Variants in GOLM1 observed in about 807,000 individuals in gnomAD.
GOLM1 encodes the protein epididymis luminal protein 46.
Under a neutral mutation model 50.5 loss-of-function variants are expected in GOLM1, and 31 were observed. The observed-to-expected ratio is 0.61, with a 90% CI of 0.46 to 0.83. The LOEUF is 0.83. GOLM1 is among the 40% of genes least tolerant of loss of function. The probability of loss-of-function intolerance (pLI) is 0.00; values close to 1 mark genes in which losing one functional copy is unlikely to be tolerated. For synonymous variants in GOLM1, 178 were observed against 192.8 expected (o/e 0.92, Z 0.64); for missense variants, 491 against 501.3 (o/e 0.98, Z 0.20).
chr9:86,091,843 G>A (rs1431095794), intron 1 of GOLM1, among the ~76,000 whole-genome samples: 2 of 152,208 alleles, frequency 1.3e-5, no homozygotes, highest in African/African-American at 4.8e-5. Context: ...GAAGTGTACA[G>A]ATAACCATTT....
At chr9:86,027,975 T>C in intron 9 of GOLM1, 82 bp from the exon 10 acceptor site, 1 of 758,534 alleles carries the variant, frequency 1.3e-6, no homozygotes, top group Non-Finnish European at 2.2e-6. Context: ...CTTATCAACT[T>C]CTAGAAACTG....
At position 86,043,403 on chromosome 9, in the gene GOLM1, A is replaced by G. The variant is rs1044617913; in HGVS notation, c.468-2535T>C. On this transcript the variant is annotated intron_variant, in intron 5 of 9. Coordinates refer to ENST00000388712, the MANE Select transcript of GOLM1 (RefSeq NM_016548.4). ...GTGTTCTCGGCACTGCCTTCTATAG[A>G]AGGATTAGACCAGACAGGATGTTTT... Among the ~76,000 whole-genome samples, 3 of 152,194 alleles carry G rather than the reference A, an allele frequency of 2.0e-5. No homozygotes were observed. The East Asian group carries it at 5.8e-4, about 29-fold the overall frequency.
At chr9:86,051,435 C>T (rs191967856) in intron 4 of GOLM1, among the ~76,000 whole-genome samples, 3 of 151,906 alleles carry the variant, frequency 2.0e-5, no homozygotes, top group Admixed American at 1.3e-4. Context: ...CTTTCTGTCT[C>T]GTTGATCTGT....
chr9:86,045,695 T>TACACACACAC, intron 5 of GOLM1, among the ~76,000 whole-genome samples: 1 of 147,578 alleles, frequency 6.8e-6, no homozygotes, highest in Non-Finnish European at 1.5e-5. Flanking sequence ...AAAAAGTATA[T>TACACACACAC]ACACACACAC....
chr9:86,099,584 C>A (rs1835470025), upstream of GOLM1: 1 of 147,802 alleles, frequency 6.8e-6, no homozygotes, highest in Non-Finnish European at 1.5e-5. Flanking sequence ...AAGGCCCCGC[C>A]CCCGAGCAGC....
chr9:86,061,269 A>G (rs1044030702), intron 3 of GOLM1, among the ~76,000 whole-genome samples: 7 of 152,200 alleles, frequency 4.6e-5, no homozygotes, highest in Non-Finnish European at 7.3e-5. Flanking sequence ...CTGGTTTTAG[A>G]GGAAAAGAAA....
Position 86,055,536 on chromosome 9 carries a change from C to T in GOLM1, c.310-2945G>A, listed in dbSNP as rs117632346. On this transcript the variant is annotated intron_variant, in intron 3 of 9. Transcript: ENST00000388712. Reference sequence around the variant, plus strand: ...ACAGTTACCAAGAGGCGAATGCAACCCAGGGGGTCACAGATGAATGAATGG... The same window carrying T: ...ACAGTTACCAAGAGGCGAATGCAACTCAGGGGGTCACAGATGAATGAATGG... Among the ~76,000 whole-genome samples, 304 of 152,230 alleles carry T rather than the reference C, an allele frequency of 2.0e-3. 7 individuals carry two copies. In the South Asian group the frequency reaches 0.039, roughly 20 times the overall value.
chr9:86,070,788 T>C (rs988424008), intron 3 of GOLM1, among the ~76,000 whole-genome samples: 7 of 152,148 alleles, frequency 4.6e-5, no homozygotes, highest in Admixed American at 6.5e-5. Context: ...GATAAGCTAA[T>C]TGATCAGGCG....
chr9:86,053,089 AC>A (rs1443311498), intron 3 of GOLM1, among the ~76,000 whole-genome samples: 2 of 107,228 alleles, frequency 1.9e-5, no homozygotes, highest in Non-Finnish European at 3.9e-5. Flanking sequence ...ACGACACTAC[AC>A]CATGCCACAA....
rs1280621934 is a variant in GOLM1, at chr9:86,046,483, A to T, written c.454T>A (p.Phe152Ile). Residue 152 changes from phenylalanine to isoleucine, a missense_variant, in exon 5 of 10, where the codon TTC (phenylalanine) becomes ATC (isoleucine). Coordinates refer to ENST00000388712, the MANE Select transcript of GOLM1 (RefSeq NM_016548.4). The part of the protein sequence containing the change: ...QKNQTNLERK[F>I]SYDLSQCINQ... ...AGGTGTACTCACAGGTCGTAGGAGA[A>T]CTTCCTCTCCAGGTTGGTCTGGTTC... 2 of 1,604,170 alleles carry T rather than the reference A, an allele frequency of 1.2e-6. No individual in the cohort carries two copies. Among genetic ancestry groups the T allele is most frequent in the East Asian group, 4.5e-5 (2 of 44,852 alleles).
At chr9:86,035,775 T>C in intron 7 of GOLM1, 150 bp from the exon 8 acceptor site, 1 of 671,124 alleles carries the variant, frequency 1.5e-6, no homozygotes, top group Non-Finnish European at 2.5e-6. Context: ...AACAACCAGG[T>C]AGCTCCTTTT....
rs1735761982 is a variant in GOLM1 at position 86,036,372 on chromosome 9, C to T, written c.733G>A (p.Asp245Asn). The T allele has an allele frequency of 6.2e-7, 1 of 1,614,098 alleles. No homozygotes were observed. The highest frequency in any genetic ancestry group is 1.7e-5 in the Admixed American group (1 of 60,012). Residue 245 changes from aspartate to asparagine, a missense_variant, in exon 7 of 10, where the codon GAT becomes AAT. Asp to Asn is a conservative substitution (Grantham distance 23, BLOSUM62 1). Transcript: ENST00000388712. ...CCTTTCTCAACTTGTCTCTTTGAATCCAAAACCACTTCGGAACTGGGGGCT... is the reference window on the plus strand; with the variant it reads ...CCTTTCTCAACTTGTCTCTTTGAATTCAAAACCACTTCGGAACTGGGGGCT... ...TPAPSSEVVL[D>N]SKRQVEKEET...
At chr9:86,028,020 G>GTAAT in intron 9 of GOLM1, 127 bp from the exon 10 acceptor site, 2 of 606,646 alleles carry the variant, frequency 3.3e-6, no homozygotes, top group South Asian at 4.1e-5. Context: ...CAGCAACACT[G>GTAAT]TAATTGGGAG....
intron 8 of GOLM1, 108 bp downstream of exon 8, chr9:86,035,260 C>T (rs1833096480): frequency 2.6e-6 from 4 of 1,530,358 alleles, no homozygotes; most frequent in East Asian, 4.5e-5. Flanking sequence ...TTGTGGACTG[C>T]TGTTTGGTAA....
upstream of GOLM1, among the ~76,000 whole-genome samples, chr9:86,099,767 C>T (rs1042241688): frequency 5.9e-5 from 9 of 152,060 alleles, no homozygotes; most frequent in African/African-American, 1.9e-4. Flanking sequence ...GGCGTTGCCC[C>T]TTCCCCCGGG....
chr9:86,036,935 G>T, intron 6 of GOLM1: 1 of 168,196 alleles, frequency 5.9e-6, no homozygotes, highest in East Asian at 1.8e-4. Context: ...CAAATGGCAG[G>T]CCACAAAGCA....
chr9:86,046,474 C>T lies in GOLM1; in HGVS notation c.463G>A (p.Asp155Asn), dbSNP rs534059912. The T allele has an allele frequency of 2.6e-4, 412 of 1,592,200 alleles. 2 individuals carry two copies. In the South Asian group the frequency reaches 4.3e-3, roughly 16 times the overall value. The change falls in exon 5 of 10, where the codon GAC (aspartate) becomes AAC (asparagine). Residue 155 changes from aspartate (D) to asparagine (N), a missense_variant. Asp to Asn is a conservative substitution (Grantham distance 23). Coordinates refer to ENST00000388712, the MANE Select transcript of GOLM1 (RefSeq NM_016548.4). Reference protein sequence around the residue: ...QTNLERKFSYDLSQCINQMKE... With the variant: ...QTNLERKFSYNLSQCINQMKE... ...CGCGCTCTGAGGTGTACTCACAGGT[C>T]GTAGGAGAACTTCCTCTCCAGGTTG...
At chr9:86,052,867 A>G (rs1342184300) in intron 3 of GOLM1, among the ~76,000 whole-genome samples, 1 of 135,434 alleles carries the variant, frequency 7.4e-6, no homozygotes, top group Non-Finnish European at 1.6e-5. Flanking sequence ...CCTCCAGGAA[A>G]GGGCCAGCCA....
At chr9:86,058,078 T>C (rs1435321448) in intron 3 of GOLM1, among the ~76,000 whole-genome samples, 3 of 152,200 alleles carry the variant, frequency 2.0e-5, no homozygotes. Context: ...AAAAAGTTAA[T>C]CTTAGTAACC....
Sources: gnomAD v4.1 joint callset for allele counts (sites outside exome capture counted in the v4.1 genomes callset) on GRCh38, gnomAD v4.1.1 for gene constraint, MANE v1.5 for transcripts, NCBI Gene and HGNC (gene_info 2026-07-23, HGNC 2026-07-21) for gene names.